The following CSPP1 variants were observed in gnomAD, a reference collection of about 807,000 sequenced individuals.
The protein encoded by CSPP1 is centrosome and spindle pole associated protein 1.
CSPP1 carries 126 observed loss-of-function variants against 164.4 expected under a neutral mutation model. The observed-to-expected ratio is 0.77, with a 90% CI of 0.66 to 0.89. CSPP1 has a LOEUF of 0.89. Among genes scored for constraint, CSPP1 ranks in the 40% least tolerant of loss-of-function variants. CSPP1 has a pLI of 0.00. For missense variants in CSPP1, 1,395 were observed against 1,449.8 expected, an observed-to-expected ratio of 0.96 and a Z score of 0.61; for synonymous variants, 472 against 476.7, an observed-to-expected ratio of 0.99 and a Z score of 0.13.
Position 67,064,471 on chromosome 8 carries a change from C to A in CSPP1, c.-78C>A. 6.2e-7 allele frequency: 1 copy of A among 1,613,888 alleles called. No homozygotes were observed. Among genetic ancestry groups the A allele is most frequent in the Non-Finnish European group, 8.5e-7 (1 of 1,179,900 alleles). Reference sequence around the variant, plus strand: ...CGATCCTCTAGAGCACTGTGTGTCTCCCCGGACGCGAGCCCGCTCCCCTGA... The same window carrying A: ...CGATCCTCTAGAGCACTGTGTGTCTACCCGGACGCGAGCCCGCTCCCCTGA... On this transcript the variant is annotated 5_prime_UTR_variant, in exon 1 of 31. Transcript: ENST00000678616.
chr8:67,162,793 CAT>C (rs1828622258), intron 22 of CSPP1, among the ~76,000 whole-genome samples: 1 of 152,024 alleles, frequency 6.6e-6, no homozygotes, highest in Admixed American at 6.6e-5. Context: ...ATTTAAGAGA[CAT>C]AGTAGTACTA....
At chr8:67,068,259 G>A (rs996409071) in intron 1 of CSPP1, among the ~76,000 whole-genome samples, 2 of 152,054 alleles carry the variant, frequency 1.3e-5, no homozygotes, top group African/African-American at 4.8e-5. Flanking sequence ...TTATAGATTA[G>A]GCATAGAGCA....
intron 19 of CSPP1, chr8:67,157,706 T>C (rs1240822882): frequency 6.6e-6 from 1 of 152,254 alleles, no homozygotes; most frequent in Non-Finnish European, 1.5e-5. Flanking sequence ...ACCAGAGACA[T>C]GAATACCTGG....
chr8:67,178,586 G>A (rs1832242260), intron 27 of CSPP1, among the ~76,000 whole-genome samples: 1 of 152,150 alleles, frequency 6.6e-6, no homozygotes. Flanking sequence ...ATCCTGGGTG[G>A]GAGGGTTTAT....
chr8:67,083,531 C>CAA (rs1171275894), intron 3 of CSPP1, among the ~76,000 whole-genome samples: 6,062 of 71,568 alleles, frequency 0.085, 403 homozygotes, highest in South Asian at 0.11. Flanking sequence ...GACTTTGTCT[C>CAA]AAAAAAAAAA....
intron 14 of CSPP1, 152 bp from the exon 15 acceptor site, chr8:67,118,591 T>A: frequency 1.4e-6 from 1 of 713,224 alleles, no homozygotes; most frequent in South Asian, 2.0e-5. Context: ...TTTCTTATGT[T>A]GTTCTTTGCT....
At chr8:67,096,852 G>A (rs931913057) in intron 7 of CSPP1, among the ~76,000 whole-genome samples, 5 of 152,018 alleles carry the variant, frequency 3.3e-5, no homozygotes, top group South Asian at 2.1e-4. Context: ...GCGACAGAGC[G>A]AGACTCTGTC....
At chr8:67,158,236 C>T (rs1323841507) in intron 19 of CSPP1, among the ~76,000 whole-genome samples, 1 of 152,100 alleles carries the variant, frequency 6.6e-6, no homozygotes, top group Non-Finnish European at 1.5e-5. Context: ...TAAGGTCACA[C>T]GGTCTGTTTG....
chr8:67,143,712 T>G (rs1823941113), intron 17 of CSPP1, among the ~76,000 whole-genome samples: 2 of 152,156 alleles, frequency 1.3e-5, no homozygotes, highest in Non-Finnish European at 2.9e-5. Flanking sequence ...ATTAAAAAAT[T>G]TTTAATTCAT....
chr8:67,128,541 A>G (rs1468191554), intron 15 of CSPP1, among the ~76,000 whole-genome samples: 1 of 118,686 alleles, frequency 8.4e-6, no homozygotes. Context: ...CTCCATCTCA[A>G]AAAAAAAAAA....
Position 67,129,907 on chromosome 8 carries a change from A to G in CSPP1, c.1698-2044A>G, listed in dbSNP as rs188245371. Among the ~76,000 whole-genome samples the G allele has an allele frequency of 2.0e-5, 3 of 152,354 alleles. No homozygotes were observed. The East Asian group carries it at 5.8e-4, about 29-fold the overall frequency. Reference sequence around the variant, plus strand: ...TATTTTTGGGTTATAAAAATGTTCTAAAACTGGTTATGGTGATGATCGCAC... The same window carrying G: ...TATTTTTGGGTTATAAAAATGTTCTGAAACTGGTTATGGTGATGATCGCAC... On this transcript the variant is annotated intron_variant, in intron 15 of 30. Transcript: ENST00000678616.
Position 67,172,528 on chromosome 8 carries a change from C to A in CSPP1, c.2941C>A (p.His981Asn). 1 of 1,613,486 alleles carries A rather than the reference C, an allele frequency of 6.2e-7. No individual in the cohort carries two copies. The highest frequency in any genetic ancestry group is 8.5e-7 in the Non-Finnish European group (1 of 1,179,662). Residue 981 changes from histidine (H) to asparagine (N), a missense_variant, in exon 25 of 31, where the codon CAT becomes AAT. Coordinates refer to ENST00000678616, the MANE Select transcript of CSPP1 (RefSeq NM_001382391.1). ...GLDAATFQNV[H>N]DFNELKDRDS... is the part of the protein sequence containing the mutation. ...AGACGCTGCCACTTTTCAGAATGTTCATGATTTTAATGAGCTGAAAGATAG... is the reference window on the plus strand; with the variant it reads ...AGACGCTGCCACTTTTCAGAATGTTAATGATTTTAATGAGCTGAAAGATAG...
intron 28 of CSPP1, among the ~76,000 whole-genome samples, chr8:67,183,140 G>C (rs1243317537): frequency 6.6e-6 from 1 of 152,216 alleles, no homozygotes; most frequent in African/African-American, 2.4e-5. Context: ...TAACCACAGA[G>C]TGTCAAAATA....
intron 17 of CSPP1, among the ~76,000 whole-genome samples, chr8:67,145,055 CAAA>C (rs1184105758): frequency 9.6e-5 from 6 of 62,402 alleles, no homozygotes; most frequent in Admixed American, 3.8e-4. Flanking sequence ...GACTCCATCT[CAAA>C]AAAAAAAAAA....
At chr8:67,095,269 C>A in intron 6 of CSPP1, 24 bp from the exon 7 acceptor site, 1 of 1,478,594 alleles carries the variant, frequency 6.8e-7, no homozygotes, top group Non-Finnish European at 9.1e-7. Flanking sequence ...AGTTTTGTTT[C>A]TTTTTTCTTT....
intron 30 of CSPP1, among the ~76,000 whole-genome samples, chr8:67,195,124 G>A (rs1008201290): frequency 2.6e-5 from 4 of 152,070 alleles, no homozygotes; most frequent in Non-Finnish European, 5.9e-5. Flanking sequence ...AATCCCTCTG[G>A]TTGCTAGTGC....
In CSPP1 at chr8:67,196,576, T is replaced by C. The variant is rs1212758479; in HGVS notation, c.*983T>C. On this transcript the variant is annotated 3_prime_UTR_variant, in exon 31 of 31. Coordinates refer to ENST00000678616, the MANE Select transcript of CSPP1 (RefSeq NM_001382391.1). ...TGTAATTAACGGTTGGTAGACAATA[T>C]CAGACAAATTTGCCACAATTAAATT... 6.6e-6 allele frequency among the ~76,000 whole-genome samples: 1 copy of C among 152,220 alleles called. No homozygotes were observed. The highest frequency in any genetic ancestry group is 1.9e-4 in the East Asian group (1 of 5,202).
chr8:67,109,361 T>G (rs1384702392), intron 9 of CSPP1, among the ~76,000 whole-genome samples: 1 of 152,206 alleles, frequency 6.6e-6, no homozygotes, highest in Non-Finnish European at 1.5e-5. Flanking sequence ...GAAGAATCTC[T>G]AAATTCAGGG....
At chr8:67,188,134 T>C (rs189369669) in intron 28 of CSPP1, among the ~76,000 whole-genome samples, 1 of 152,334 alleles carries the variant, frequency 6.6e-6, no homozygotes, top group East Asian at 1.9e-4. Context: ...GCAAAAGACA[T>C]GTCAGATAAA....
Sources: gnomAD v4.1 joint callset for allele counts (sites outside exome capture counted in the v4.1 genomes callset) on GRCh38, gnomAD v4.1.1 for gene constraint, MANE v1.5 for transcripts, NCBI Gene and HGNC (gene_info 2026-07-23, HGNC 2026-07-21) for gene names.